The following GALT variants were observed in gnomAD, a reference collection of about 807,000 sequenced individuals.
GALT encodes UDP-glucose--hexose-1-phosphate uridylyltransferase.
GALT carries 42 observed loss-of-function variants against 55.4 expected under a neutral mutation model. The observed-to-expected ratio is 0.76, with a 90% confidence interval of 0.59 to 0.98. GALT has a LOEUF of 0.98. GALT is among the 50% of genes least tolerant of loss of function. The pLI is 0.00. For missense variants in GALT, 407 were observed against 495.7 expected, an observed-to-expected ratio of 0.82 and a Z score of 1.70; for synonymous variants, 154 against 181.5, an observed-to-expected ratio of 0.85 and a Z score of 1.22.
Position 34,647,691 on chromosome 9 carries a change from T to G in GALT, c.363T>G (p.Ser121=). Residue 121 remains serine, a synonymous_variant, in exon 4 of 11, where the codon TCT becomes TCG. Coordinates refer to ENST00000378842, the MANE Select transcript of GALT (RefSeq NM_000155.4). The surrounding 1 kb of genome is among the most constrained non-coding windows in gnomAD (Gnocchi z 5.6). ...PSDHPLFQAK[S]ARGVCKVMCF... is the part of the protein sequence containing the mutation. Reference sequence around the variant, plus strand: ...ATCATCCCCTTTTCCAAGCAAAGTCTGCTCGAGGAGTCTGGTAACTATGGA... The same window carrying G: ...ATCATCCCCTTTTCCAAGCAAAGTCGGCTCGAGGAGTCTGGTAACTATGGA... 2 of 1,614,194 alleles carry G rather than the reference T, an allele frequency of 1.2e-6. No homozygotes were observed. The highest frequency in any genetic ancestry group is 1.7e-6 in the Non-Finnish European group (2 of 1,180,020).
intron 9 of GALT, 150 bp downstream of exon 9, chr9:34,649,231 G>A (rs2132345843): frequency 2.5e-6 from 3 of 1,181,058 alleles, no homozygotes; most frequent in African/African-American, 3.0e-5. Flanking sequence ...TGAGGGTGGA[G>A]CAGCAAACTT....
At position 34,647,024 on chromosome 9, in the gene GALT, G is replaced by T; in HGVS notation, c.83-65G>T. ...CGCTCCCGAGCTTGGGCCTGCTGGT[G>T]GGTGAGACCCAGGAGAGAGGGAGCT... On this transcript the variant is annotated intron_variant, in intron 1 of 10. Transcript: ENST00000378842. The surrounding 1 kb of genome is among the most constrained non-coding windows in gnomAD (Gnocchi z 5.6). The T allele has an allele frequency of 1.2e-6, 2 of 1,611,486 alleles. No individual in the cohort carries two copies. The highest frequency in any genetic ancestry group is 1.7e-6 in the Non-Finnish European group (2 of 1,178,458).
intron 9 of GALT, 155 bp from the exon 10 acceptor site, chr9:34,649,255 C>G: frequency 8.2e-7 from 1 of 1,224,322 alleles, no homozygotes; most frequent in Non-Finnish European, 1.2e-6. Context: ...GAAACTACAT[C>G]TCCAATGTGC....
Position 34,647,559 on chromosome 9 carries a change from C to T in GALT, c.320C>T (p.Pro107Leu). ...TTCCCAGCTCTGCAGCCTGATGCCC[C>T]CAGTCCAGGTAACCTGGCTCCAACT... is the stretch of plus-strand genomic sequence containing the variant. ...NDFPALQPDA[P>L]SPGPSDHPLF... The change falls in exon 3 of 11, where the codon CCC (proline) becomes CTC (leucine). Residue 107 changes from proline (P) to leucine (L), a missense_variant. Physicochemically the swap from Pro to Leu is moderately conservative, Grantham distance 98. Coordinates refer to ENST00000378842, the MANE Select transcript of GALT (RefSeq NM_000155.4). This position sits in a 1 kb window ranked among gnomAD's most constrained non-coding sequence, Gnocchi z 5.6. 1 of 1,614,168 alleles carries T rather than the reference C, an allele frequency of 6.2e-7. No individual in the cohort carries two copies. The highest frequency in any genetic ancestry group is 8.5e-7 in the Non-Finnish European group (1 of 1,180,028).
rs1414025089 is a variant in GALT at position 34,650,703 on chromosome 9, T to C, written c.*254T>C. 1.9e-6 allele frequency: 1 copy of C among 517,234 alleles called. No homozygotes were observed. Among genetic ancestry groups the C allele is most frequent in the Non-Finnish European group, 3.5e-6 (1 of 288,874 alleles). 32.0% of individuals were successfully genotyped at this position (517,234 alleles called of 1,614,324 possible). On this transcript the variant is annotated 3_prime_UTR_variant, in exon 11 of 11. Coordinates refer to ENST00000378842, the MANE Select transcript of GALT (RefSeq NM_000155.4). ...GATGTGTAAAATCTTGATGCAAAAA[T>C]CTACCCCAAATTTCTGAACAAAATT...
At position 34,647,599 on chromosome 9, in the gene GALT, G is replaced by A; in HGVS notation, c.328+32G>A. The A allele has an allele frequency of 6.2e-7, 1 of 1,614,062 alleles. No homozygotes were observed. The highest frequency in any genetic ancestry group is 1.6e-4 in the Middle Eastern group (1 of 6,062). ...TGGCTCCAACTGCTGCTGGGGAGGA[G>A]GGTGGCTAGACCTCTTGAGGGACTT... is the stretch of plus-strand genomic sequence containing the variant. On this transcript the variant is annotated intron_variant, in intron 3 of 10. Coordinates refer to ENST00000378842, the MANE Select transcript of GALT (RefSeq NM_000155.4). The surrounding 1 kb of genome is among the most constrained non-coding windows in gnomAD (Gnocchi z 5.6).
In GALT at chr9:34,648,879, C is replaced by T; in HGVS notation, c.805C>T (p.Pro269Ser). 1 of 1,613,226 alleles carries T rather than the reference C, an allele frequency of 6.2e-7. No homozygotes were observed. Residue 269 changes from proline to serine, a missense_variant, in exon 8 of 11, where the codon CCT becomes TCT. Coordinates refer to ENST00000378842, the MANE Select transcript of GALT (RefSeq NM_000155.4). The surrounding 1 kb of genome is among the most constrained non-coding windows in gnomAD (Gnocchi z 4.9). ...RHVRRLPELT[P>S]AERDDLASIM... ...TGTGCGGCGGCTACCTGAGCTGACC[C>T]CTGCTGAGCGTGATGGTCAGTCTCC...
At position 34,648,000 on chromosome 9, in the gene GALT, G is replaced by T. The variant is rs1043463580; in HGVS notation, c.507+39G>T. On this transcript the variant is annotated intron_variant, in intron 5 of 10. Transcript: ENST00000378842. This position sits in a 1 kb window ranked among gnomAD's most constrained non-coding sequence, Gnocchi z 5.6. ...CCCCTTCCCCTGGATGGGCAGGGAGGGGGTGATGAAGCTTTGGTTCTGGGG... is the reference window on the plus strand; with the variant it reads ...CCCCTTCCCCTGGATGGGCAGGGAGTGGGTGATGAAGCTTTGGTTCTGGGG... 3 of 1,614,090 alleles carry T rather than the reference G, an allele frequency of 1.9e-6. No individual in the cohort carries two copies. The highest frequency in any genetic ancestry group is 1.3e-5 in the African/African-American group (1 of 74,948).
chr9:34,647,487 G>C lies in GALT; in HGVS notation c.253-5G>C. ...TGAGTGCTTCTAGCCTATCCTTGTC[G>C]GTAGGTGAATCCCCAGTACGATAGC... On this transcript the variant is annotated splice_region_variant and splice_polypyrimidine_tract_variant and intron_variant, in intron 2 of 10. Coordinates refer to ENST00000378842, the MANE Select transcript of GALT (RefSeq NM_000155.4). The surrounding 1 kb of genome is among the most constrained non-coding windows in gnomAD (Gnocchi z 5.6). 1.2e-6 allele frequency: 2 copies of C among 1,613,992 alleles called. No individual in the cohort carries two copies. Among genetic ancestry groups the C allele is most frequent in the Non-Finnish European group, 8.5e-7 (1 of 1,179,958 alleles).
intron 10 of GALT, chr9:34,649,909 G>C (rs1821212025): frequency 1.4e-5 from 4 of 287,934 alleles, no homozygotes; most frequent in African/African-American, 8.7e-5. Context: ...CCCACCCCCA[G>C]TGGGCCTGTG....
Position 34,647,763 on chromosome 9 carries a change from G to T in GALT, c.377+58G>T. ...AACCAGAGTTGGAGACTCAGCATTGGGGTTCGGCCCTGCCCGTAGCACAGC... is the reference window on the plus strand; with the variant it reads ...AACCAGAGTTGGAGACTCAGCATTGTGGTTCGGCCCTGCCCGTAGCACAGC... On this transcript the variant is annotated intron_variant, in intron 4 of 10. Coordinates refer to ENST00000378842, the MANE Select transcript of GALT (RefSeq NM_000155.4). This position sits in a 1 kb window ranked among gnomAD's most constrained non-coding sequence, Gnocchi z 5.6. 1.2e-6 allele frequency: 2 copies of T among 1,614,106 alleles called. No homozygotes were observed. The highest frequency in any genetic ancestry group is 2.2e-5 in the South Asian group (2 of 91,078).
Position 34,649,517 on chromosome 9 carries a change from G to T in GALT, c.1012G>T (p.Gly338Cys). 1 of 1,614,172 alleles carries T rather than the reference G, an allele frequency of 6.2e-7. No individual in the cohort carries two copies. The change falls in exon 10 of 11, where the codon GGC becomes TGC. Residue 338 changes from glycine (G) to cysteine (C), a missense_variant. By Grantham distance (159) the Gly-to-Cys change is radical. Transcript: ENST00000378842. ...TGCCACTGTCCGGAAATTCATGGTT[G>T]GCTACGAAATGCTTGCTCAGGCTCA... ...RSATVRKFMV[G>C]YEMLAQAQRD... is the part of the protein sequence containing the mutation.
At position 34,647,488 on chromosome 9, in the gene GALT, G is replaced by A. The variant is rs1306758977; in HGVS notation, c.253-4G>A. ...GAGTGCTTCTAGCCTATCCTTGTCGGTAGGTGAATCCCCAGTACGATAGCA... is the reference window on the plus strand; with the variant it reads ...GAGTGCTTCTAGCCTATCCTTGTCGATAGGTGAATCCCCAGTACGATAGCA... On this transcript the variant is annotated splice_region_variant and splice_polypyrimidine_tract_variant and intron_variant, in intron 2 of 10. Transcript: ENST00000378842. The surrounding 1 kb of genome is among the most constrained non-coding windows in gnomAD (Gnocchi z 5.6). 6.2e-7 allele frequency: 1 copy of A among 1,614,054 alleles called. No individual in the cohort carries two copies.
At chr9:34,649,735 C>T in intron 10 of GALT, 171 bp downstream of exon 10, 1 of 679,474 alleles carries the variant, frequency 1.5e-6, no homozygotes. Context: ...GAGTATGGTC[C>T]TCAGATCCCC....
chr9:34,646,915 G>C, intron 1 of GALT, 129 bp downstream of exon 1: 1 of 1,606,092 alleles, frequency 6.2e-7, no homozygotes, highest in South Asian at 1.1e-5. Flanking sequence ...ACAGTCTGCA[G>C]GCCTGTACGA....
chr9:34,649,176 T>G (rs1821190563), intron 9 of GALT, 95 bp downstream of exon 9: 1 of 1,370,412 alleles, frequency 7.3e-7, no homozygotes, highest in South Asian at 1.2e-5. Flanking sequence ...GAGCAAGCCT[T>G]GAAACAGTTG....
rs1587238612 is a variant in GALT at position 34,647,934 on chromosome 9, G to A, written c.480G>A (p.Glu160=). 1.2e-6 allele frequency: 2 copies of A among 1,614,220 alleles called. No individual in the cohort carries two copies. Among genetic ancestry groups the A allele is most frequent in the Middle Eastern group, 1.6e-4 (1 of 6,062 alleles). The change falls in exon 5 of 11, where the codon GAG becomes GAA. Residue 160 remains glutamate, a synonymous_variant. Coordinates refer to ENST00000378842, the MANE Select transcript of GALT (RefSeq NM_000155.4). This position sits in a 1 kb window ranked among gnomAD's most constrained non-coding sequence, Gnocchi z 5.6. Reference sequence around the variant, plus strand: ...ATGCATGGGCCTCAGTCACAGAGGAGCTGGGTGCCCAGTACCCTTGGGTGC... The same window carrying A: ...ATGCATGGGCCTCAGTCACAGAGGAACTGGGTGCCCAGTACCCTTGGGTGC... ...VVDAWASVTE[E]LGAQYPWVQI...
rs111033848 is a variant in GALT at position 34,646,729 on chromosome 9, C to T, written c.25C>T (p.Gln9Ter). 1 of 1,613,820 alleles carries T rather than the reference C, an allele frequency of 6.2e-7. No individual in the cohort carries two copies. Among genetic ancestry groups the T allele is most frequent in the Non-Finnish European group, 8.5e-7 (1 of 1,179,984 alleles). The change falls in exon 1 of 11, where the codon CAG (glutamine) becomes TAG (stop). Residue 9 changes from glutamine to a stop codon, truncating the protein, a stop_gained. Transcript: ENST00000378842. LOFTEE classifies it high-confidence loss of function. ...CATGTCGCGCAGTGGAACCGATCCT[C>T]AGCAACGCCAGCAGGCGTCAGAGGC... is the stretch of plus-strand genomic sequence containing the variant. MSRSGTDP[Q>*]QRQQASEADA... is the part of the protein sequence containing the mutation.
Position 34,649,552 on chromosome 9 carries a change from C to T in GALT, c.1047C>T (p.Leu349=). 6.2e-7 allele frequency: 1 copy of T among 1,614,188 alleles called. No individual in the cohort carries two copies. The highest frequency in any genetic ancestry group is 8.5e-7 in the Non-Finnish European group (1 of 1,180,020). Residue 349 remains leucine, a synonymous_variant, in exon 10 of 11, where the codon CTC becomes CTT. Transcript: ENST00000378842. The part of the protein sequence containing the change: ...YEMLAQAQRD[L]TPEQAAERLR... ...TGCTTGCTCAGGCTCAGAGGGACCT[C>T]ACCCCTGAGCAGGTCAGGACTCAGA...
Sources: allele counts gnomAD v4.1 joint callset, GRCh38; gene constraint gnomAD v4.1.1; non-coding constraint Gnocchi (gnomAD v3.1); transcripts MANE v1.5; gene names NCBI Gene and HGNC (gene_info 2026-07-23, HGNC 2026-07-21).